Variants in RC3H1 observed in about 807,000 individuals in gnomAD.
The protein encoded by RC3H1 is roquin-1.
A neutral mutation model predicts 138.2 loss-of-function variants in RC3H1; 50 were observed. The observed-to-expected ratio is 0.36, with a 90% CI of 0.29 to 0.46. RC3H1 has a LOEUF of 0.46. RC3H1 is among the 20% of genes least tolerant of loss of function. The pLI, the probability that RC3H1 is intolerant of heterozygous loss-of-function variation, is 1.00. For synonymous variants in RC3H1, 462 were observed against 489.1 expected (o/e 0.94, Z 0.73); for missense variants, 1,031 against 1,388.1 (o/e 0.74, Z 4.09).
chr1:173,937,817 TA>T lies in RC3H1; in HGVS notation c.*903del, dbSNP rs1658668544. 1 of 152,240 alleles carries T rather than the reference TA, an allele frequency of 6.6e-6. No homozygotes were observed. Among genetic ancestry groups the T allele is most frequent in the African/African-American group, 2.4e-5 (1 of 41,456 alleles). 9.4% of individuals were successfully genotyped at this position (152,240 alleles called of 1,614,324 possible). ...GCATCCTATGATGTCAGCAAAAGTT[TA>T]ATTTGAAAAGCACTGCTTCAAATTT... On this transcript the variant is annotated 3_prime_UTR_variant, in exon 20 of 20. Transcript: ENST00000367696.
chr1:173,944,749 G>A (rs1481079154), intron 17 of RC3H1, among the ~76,000 whole-genome samples: 1 of 152,176 alleles, frequency 6.6e-6, no homozygotes, highest in Non-Finnish European at 1.5e-5. Context: ...ATAAGCAATG[G>A]CGAAAGCAGA....
intron 1 of RC3H1, 104 bp from the exon 2 acceptor site, chr1:173,993,239 A>G (rs1043368991): frequency 6.4e-6 from 3 of 465,690 alleles, no homozygotes; most frequent in Non-Finnish European, 1.2e-5. Context: ...TTTATACCAC[A>G]TTTGTATCAC....
At chr1:173,958,162 A>G (rs916803498) in intron 13 of RC3H1, among the ~76,000 whole-genome samples, 2 of 151,834 alleles carry the variant, frequency 1.3e-5, no homozygotes, top group Non-Finnish European at 2.9e-5. Context: ...ATCCTGAGAA[A>G]CCTTACTTGA....
chr1:173,983,548 G>A lies in RC3H1; in HGVS notation c.462C>T (p.Ala154=), dbSNP rs1345981767. The A allele has an allele frequency of 1.2e-6, 2 of 1,614,178 alleles. No homozygotes were observed. Among genetic ancestry groups the A allele is most frequent in the Non-Finnish European group, 1.7e-6 (2 of 1,180,034 alleles). Reference sequence around the variant, plus strand: ...CACCTAAAGATCGAGCTGCCCTCATGGCACGAATCCTGCCTTCTTCTTCTA... The same window carrying A: ...CACCTAAAGATCGAGCTGCCCTCATAGCACGAATCCTGCCTTCTTCTTCTA... ...QLVEEEGRIR[A]MRAARSLGER... is the part of the protein sequence containing the mutation. The change falls in exon 4 of 20, where the codon GCC becomes GCT. Residue 154 remains alanine, a synonymous_variant. Coordinates refer to ENST00000367696, the MANE Select transcript of RC3H1 (RefSeq NM_172071.4).
intron 19 of RC3H1, among the ~76,000 whole-genome samples, chr1:173,939,618 T>C (rs1658753508): frequency 6.9e-6 from 1 of 145,854 alleles, no homozygotes; most frequent in Non-Finnish European, 1.5e-5. Context: ...GGGTGGATCA[T>C]GAGGTCAGGA....
chr1:173,946,740 T>C lies in RC3H1; in HGVS notation c.2828+6A>G, dbSNP rs1307650296. 8 of 1,611,108 alleles carry C rather than the reference T, an allele frequency of 5.0e-6. No individual in the cohort carries two copies. Among genetic ancestry groups the C allele is most frequent in the Admixed American group, 1.7e-5 (1 of 59,946 alleles). On this transcript the variant is annotated splice_donor_region_variant and intron_variant, in intron 16 of 19. Transcript: ENST00000367696. ...TGTTTGTTCAAGTAAAAAGAATGAC[T>C]CATACCTCTCACTGAAGTGTCCCTG...
At chr1:174,015,229 T>A (rs1020388504) in intron 1 of RC3H1, among the ~76,000 whole-genome samples, 1 of 151,416 alleles carries the variant, frequency 6.6e-6, no homozygotes, top group Admixed American at 6.6e-5. Context: ...AGTTCATTAA[T>A]TTTTCTGATA....
intron 11 of RC3H1, 107 bp downstream of exon 11, chr1:173,963,866 A>T: frequency 1.2e-6 from 1 of 818,446 alleles, no homozygotes. Flanking sequence ...ATGCATTTAT[A>T]CATTTACTTA....
Position 173,962,040 on chromosome 1 carries a change from T to C in RC3H1, c.1887A>G (p.Pro629=), listed in dbSNP as rs748342145. The change falls in exon 12 of 20, where the codon CCA becomes CCG. Residue 629 remains proline (P), a synonymous_variant. Transcript: ENST00000367696. ...QCVSRFVRPP[P]SAPEPAPPYL... ...AGGGAGGAGCAGGTTCAGGAGCAGATGGTGGAGGTCGGACAAAGCGGGACA... is the reference window on the plus strand; with the variant it reads ...AGGGAGGAGCAGGTTCAGGAGCAGACGGTGGAGGTCGGACAAAGCGGGACA... 6.8e-6 allele frequency: 11 copies of C among 1,613,830 alleles called. No individual in the cohort carries two copies. The highest frequency in any genetic ancestry group is 1.6e-4 in the Middle Eastern group (1 of 6,084).
At chr1:173,975,285 G>A (rs917107537) in intron 7 of RC3H1, among the ~76,000 whole-genome samples, 3 of 151,872 alleles carry the variant, frequency 2.0e-5, no homozygotes, top group Admixed American at 1.3e-4. Flanking sequence ...TAGTAGAGAC[G>A]GGGTTTCACC....
rs1006183561 is a variant in RC3H1 at position 174,015,420 on chromosome 1, T to C, written c.-151+6676A>G. 3.3e-5 allele frequency among the ~76,000 whole-genome samples: 5 copies of C among 151,984 alleles called. No homozygotes were observed. In the East Asian group the frequency reaches 9.7e-4, roughly 29 times the overall value. ...CTCTGTCGCCCAGGCTGGAGTGCAG[T>C]GGCATGATTTCAGCTCACTGCAACC... On this transcript the variant is annotated intron_variant, in intron 1 of 19. Transcript: ENST00000367696.
At position 173,964,015 on chromosome 1, in the gene RC3H1, G is replaced by A; in HGVS notation, c.1789C>T (p.Arg597Ter). 6.2e-7 allele frequency: 1 copy of A among 1,614,062 alleles called. No homozygotes were observed. Among genetic ancestry groups the A allele is most frequent in the Non-Finnish European group, 8.5e-7 (1 of 1,180,016 alleles). ...QQTDVYYQDP[R>*]GAAPPFEPAP... ...GGTTCAAATGGCGGAGCTGCTCCTC[G>A]AGGATCCTGATAATAAACATCCGTC... is the stretch of plus-strand genomic sequence containing the variant. The change falls in exon 11 of 20, where the codon CGA becomes TGA. Residue 597 changes from arginine to a stop codon, truncating the protein, a stop_gained. Transcript: ENST00000367696. LOFTEE classifies it high-confidence loss of function.
At chr1:174,002,022 TTTAAA>T (rs1302984513) in intron 1 of RC3H1, among the ~76,000 whole-genome samples, 1 of 152,178 alleles carries the variant, frequency 6.6e-6, no homozygotes, top group African/African-American at 2.4e-5. Context: ...CTTAACTGCT[TTTAAA>T]TTAATCATAA....
Position 173,984,587 on chromosome 1 carries a change from A to G in RC3H1, c.264T>C (p.Ser88=). The G allele has an allele frequency of 6.2e-7, 1 of 1,614,002 alleles. No homozygotes were observed. The highest frequency in any genetic ancestry group is 8.5e-7 in the Non-Finnish European group (1 of 1,179,924). The change falls in exon 3 of 20, where the codon AGT becomes AGC. Residue 88 remains serine, a synonymous_variant. Transcript: ENST00000367696. ...CATAATGCTTTGTGTCTTCAACCCC[A>G]CTACACAAAGTAATAGGCTGCTGCT... ...VPEQQPITLC[S]GVEDTKHYEE... is the part of the protein sequence containing the mutation.
rs1403000914 is a variant in RC3H1, at chr1:173,975,709, T to C, written c.1102+2779A>G. ...GTCAGGAGATCGAGACCATCCTGGC[T>C]AACAAGGTGAAACCCCGTCTCTACT... is the stretch of plus-strand genomic sequence containing the variant. On this transcript the variant is annotated intron_variant, in intron 7 of 19. Transcript: ENST00000367696. Among the ~76,000 whole-genome samples the C allele has an allele frequency of 5.0e-5, 5 of 99,020 alleles. 1 individual carries two copies. The highest frequency in any genetic ancestry group is 5.4e-3 in the Middle Eastern group (1 of 186). The allele number at this position is 99,020 out of a possible 152,430, so 65.0% of individuals were successfully genotyped here.
intron 14 of RC3H1, among the ~76,000 whole-genome samples, chr1:173,950,598 C>A (rs1659352043): frequency 6.6e-6 from 1 of 151,138 alleles, no homozygotes; most frequent in Non-Finnish European, 1.5e-5. Context: ...ATAAAATTAT[C>A]CATGAAAATG....
chr1:174,013,275 TG>T (rs1369462738), intron 1 of RC3H1, among the ~76,000 whole-genome samples: 1 of 151,958 alleles, frequency 6.6e-6, no homozygotes, highest in Non-Finnish European at 1.5e-5. Flanking sequence ...TGAGAGTGAA[TG>T]GAAGTGGAGA....
intron 9 of RC3H1, among the ~76,000 whole-genome samples, chr1:173,965,912 G>A (rs756513859): frequency 2.6e-5 from 4 of 152,182 alleles, no homozygotes; most frequent in African/African-American, 7.2e-5. Context: ...AGGCTGAAGC[G>A]GGCGAATCAC....
intron 12 of RC3H1, 104 bp from the exon 13 acceptor site, chr1:173,961,348 CCTT>C (rs1659867048): frequency 2.0e-6 from 2 of 1,000,442 alleles, no homozygotes; most frequent in Admixed American, 2.8e-5. Flanking sequence ...GCTTGTATAC[CCTT>C]CTTAACATTT....
Sources: allele counts gnomAD v4.1 joint callset (sites outside exome capture counted in the v4.1 genomes callset), GRCh38; gene constraint gnomAD v4.1.1; transcripts MANE v1.5; gene names NCBI Gene and HGNC (gene_info 2026-07-23, HGNC 2026-07-21).